The following GMDS variants were observed in gnomAD, a reference collection of about 807,000 sequenced individuals.
GMDS encodes GDP-mannose 4,6-dehydratase, also known as GDP-mannose 4,6 dehydratase.
In GMDS, 20 loss-of-function variants were observed where a neutral mutation model predicts 49.9. The ratio of observed to expected loss-of-function variants is 0.40; its 90% CI spans 0.28 to 0.58. The LOEUF (loss-of-function observed/expected upper bound fraction) is 0.58. GMDS is among the 20% of genes least tolerant of loss of function. GMDS has a pLI of 0.42. For missense variants in GMDS, 362 were observed against 481.4 expected (o/e 0.75, Z 2.32); for synonymous variants, 177 against 178.6 (o/e 0.99, Z 0.07).
At chr6:1,824,207 T>G (rs1157673) in intron 7 of GMDS, among the ~76,000 whole-genome samples, 100,399 of 151,846 alleles carry the variant, frequency 0.66, 34,086 homozygotes, top group East Asian at 0.84. Context: ...CCTTATAACC[T>G]TCTCCTCATC....
chr6:1,711,788 C>T (rs1765975236), intron 9 of GMDS, among the ~76,000 whole-genome samples: 1 of 152,150 alleles, frequency 6.6e-6, no homozygotes. Context: ...TCTTTTCCGT[C>T]CGATTTTGTG....
chr6:2,016,773 T>C (rs947340272), intron 4 of GMDS, among the ~76,000 whole-genome samples: 4 of 152,160 alleles, frequency 2.6e-5, no homozygotes, highest in African/African-American at 9.7e-5. Flanking sequence ...AAACGACTTC[T>C]AGAAAATATG....
intron 1 of GMDS, among the ~76,000 whole-genome samples, chr6:2,235,868 A>C (rs1781335808): frequency 6.6e-6 from 1 of 151,864 alleles, no homozygotes; most frequent in Admixed American, 6.6e-5. Context: ...CTGTGTTGCC[A>C]ATCTGGTAAG....
rs146782809 is a variant in GMDS, at chr6:1,627,647, G to A, written c.988-3107C>T. Among the ~76,000 whole-genome samples the A allele has an allele frequency of 1.3e-3, 205 of 152,162 alleles. 1 individual carries two copies. The highest frequency in any genetic ancestry group is 4.7e-3 in the African/African-American group (196 of 41,516). On this transcript the variant is annotated intron_variant, in intron 9 of 10. Transcript: ENST00000380815. The stretch of plus-strand genomic sequence containing the variant: ...CTCTTTTCTTCTTTTTTGACAGTTC[G>A]TTTCCTTCATTATACATATGCTTAC...
At chr6:1,650,994 C>T (rs530801011) in intron 9 of GMDS, among the ~76,000 whole-genome samples, 1 of 152,352 alleles carries the variant, frequency 6.6e-6, no homozygotes, top group Admixed American at 6.5e-5. Context: ...TACTCGGCAA[C>T]CCTGCCATGT....
intron 9 of GMDS, among the ~76,000 whole-genome samples, chr6:1,653,192 A>G (rs1392186841): frequency 6.6e-6 from 1 of 152,098 alleles, no homozygotes; most frequent in Admixed American, 6.6e-5. Flanking sequence ...TTTAAACTGG[A>G]CTGTACACTG....
rs1433783239 is a variant in GMDS, at chr6:2,240,073, A to C, written c.102+5248T>G. Among the ~76,000 whole-genome samples the C allele has an allele frequency of 3.9e-5, 6 of 152,324 alleles. No individual in the cohort carries two copies. In the East Asian group the frequency reaches 1.2e-3, roughly 29 times the overall value. ...ATTTAGAATGGAAGTCACTGCCTAC[A>C]ATCCTCTTATATGAGAAGATAAGAC... On this transcript the variant is annotated intron_variant, in intron 1 of 10. Transcript: ENST00000380815.
intron 9 of GMDS, among the ~76,000 whole-genome samples, chr6:1,685,059 CTTAA>C (rs1221132636): frequency 6.6e-6 from 1 of 151,160 alleles, no homozygotes; most frequent in African/African-American, 2.4e-5. Flanking sequence ...AAAAGGTAGA[CTTAA>C]TTAACACTTG....
At chr6:1,875,440 C>T (rs760562605) in intron 7 of GMDS, among the ~76,000 whole-genome samples, 17 of 151,876 alleles carry the variant, frequency 1.1e-4, no homozygotes, top group Admixed American at 4.6e-4. Flanking sequence ...AGATGTATTA[C>T]AGAAAAATTG....
chr6:1,814,972 T>C (rs940901747), intron 7 of GMDS, among the ~76,000 whole-genome samples: 2 of 152,248 alleles, frequency 1.3e-5, no homozygotes, highest in East Asian at 1.9e-4. Flanking sequence ...GAAAACAAAA[T>C]AGGTCACATT....
At chr6:1,912,623 A>G (rs1761128662) in intron 7 of GMDS, among the ~76,000 whole-genome samples, 1 of 152,210 alleles carries the variant, frequency 6.6e-6, no homozygotes, top group African/African-American at 2.4e-5. Context: ...TCCTCTCTCC[A>G]TAGCTTGTGG....
At chr6:1,652,414 TATA>T (rs1561700601) in intron 9 of GMDS, among the ~76,000 whole-genome samples, 4 of 27,500 alleles carry the variant, frequency 1.5e-4, no homozygotes, top group African/African-American at 6.3e-4. Context: ...ATATATTATA[TATA>T]ATATATATAT....
intron 9 of GMDS, among the ~76,000 whole-genome samples, chr6:1,671,705 G>A (rs547856668): frequency 1.1e-4 from 16 of 139,848 alleles, no homozygotes; most frequent in South Asian, 4.5e-4. Flanking sequence ...TCACTGTGTC[G>A]CCAGGCTGGA....
intron 1 of GMDS, among the ~76,000 whole-genome samples, chr6:2,206,972 G>GT (rs1246001989): frequency 6.6e-6 from 1 of 152,204 alleles, no homozygotes. Context: ...AGAAGTCTTA[G>GT]TGGTGGTATT....
At chr6:1,796,531 T>C (rs1191250396) in intron 7 of GMDS, among the ~76,000 whole-genome samples, 1 of 152,180 alleles carries the variant, frequency 6.6e-6, no homozygotes, top group Non-Finnish European at 1.5e-5. Context: ...AAGTCATGTT[T>C]GGGAGCTCAG....
At chr6:1,783,406 A>G (rs1769191479) in intron 7 of GMDS, among the ~76,000 whole-genome samples, 1 of 152,200 alleles carries the variant, frequency 6.6e-6, no homozygotes, top group Non-Finnish European at 1.5e-5. Context: ...GCAAAATTAT[A>G]CATCCCTTGA....
chr6:1,781,019 G>A (rs977366798), intron 7 of GMDS, among the ~76,000 whole-genome samples: 10 of 151,998 alleles, frequency 6.6e-5, no homozygotes, highest in Non-Finnish European at 2.9e-5. Context: ...GTTGCAGTTC[G>A]ACAAAAACCA....
intron 1 of GMDS, among the ~76,000 whole-genome samples, chr6:2,180,519 T>C (rs914843785): frequency 2.0e-5 from 3 of 152,216 alleles, no homozygotes; most frequent in Non-Finnish European, 4.4e-5. Flanking sequence ...AATTTTTCCC[T>C]TTTTCCTCTC....
intron 1 of GMDS, among the ~76,000 whole-genome samples, chr6:2,151,895 T>C (rs1338424529): frequency 6.6e-6 from 1 of 152,150 alleles, no homozygotes; most frequent in African/African-American, 2.4e-5. Context: ...TAGATATAAC[T>C]ATTATTTTTA....
Sources: gnomAD v4.1 joint callset for allele counts (sites outside exome capture counted in the v4.1 genomes callset) on GRCh38, gnomAD v4.1.1 for gene constraint, MANE v1.5 for transcripts, NCBI Gene and HGNC (gene_info 2026-07-23, HGNC 2026-07-21) for gene names.